Variants in SPTBN2 observed in about 807,000 individuals in gnomAD.
SPTBN2 encodes spectrin beta chain, non-erythrocytic 2.
In SPTBN2, 107 loss-of-function variants were observed where a neutral mutation model predicts 284.2. That is an observed-to-expected ratio of 0.38 (90% confidence interval 0.32 to 0.44). The LOEUF is 0.44. Ranked by LOEUF, SPTBN2 falls within the 20% of genes least tolerant of loss-of-function variation. The pLI, the probability that SPTBN2 is intolerant of heterozygous loss-of-function variation, is 1.00. For synonymous variants in SPTBN2, 1,289 were observed against 1,354.8 expected (o/e 0.95, Z 1.07); for missense variants, 2,569 against 3,287.1 (o/e 0.78, Z 5.34).
chr11:66,721,194 TG>T lies in SPTBN2; in HGVS notation c.46del (p.Gln16ArgfsTer52). Reference sequence around the variant, plus strand: ...GTTGTTGATGTCACTGTACTGGCCCTGGATTTCCAAGCTGTCAAAGTCTGTG... The same window carrying T: ...GTTGTTGATGTCACTGTACTGGCCCTGATTTCCAAGCTGTCAAAGTCTGTG... ...SPTDFDSLEIQGQYSDINNRW... is the reference protein window; with the variant it reads ...SPTDFDSLEIXGQYSDINNRW... On this transcript the variant is annotated frameshift_variant, in exon 3 of 38. Coordinates refer to ENST00000533211, the MANE Select transcript of SPTBN2 (RefSeq NM_006946.4). LOFTEE classifies it high-confidence loss of function. 1 of 1,614,126 alleles carries T rather than the reference TG, an allele frequency of 6.2e-7. No homozygotes were observed. The highest frequency in any genetic ancestry group is 2.2e-5 in the East Asian group (1 of 44,874).
intron 1 of SPTBN2, among the ~76,000 whole-genome samples, chr11:66,721,690 T>C (rs1198475660): frequency 6.6e-6 from 1 of 152,112 alleles, no homozygotes; most frequent in Non-Finnish European, 1.5e-5. Flanking sequence ...TTCTACAAAC[T>C]GTTTTGAGCC....
At position 66,687,412 on chromosome 11, in the gene SPTBN2, C is replaced by T. The variant is rs1940191925; in HGVS notation, c.6722+15G>A. On this transcript the variant is annotated intron_variant, in intron 35 of 37. Coordinates refer to ENST00000533211, the MANE Select transcript of SPTBN2 (RefSeq NM_006946.4). The surrounding 1 kb of genome is among the most constrained non-coding windows in gnomAD (Gnocchi z 5.2). ...GGGAAGTGCCCTCTGAGAGCAGGCTCCAGAGAGGCTGTACCTGTTGGCAGC... is the reference window on the plus strand; with the variant it reads ...GGGAAGTGCCCTCTGAGAGCAGGCTTCAGAGAGGCTGTACCTGTTGGCAGC... The T allele has an allele frequency of 6.2e-7, 1 of 1,603,458 alleles. No individual in the cohort carries two copies. Among genetic ancestry groups the T allele is most frequent in the Non-Finnish European group, 8.5e-7 (1 of 1,179,662 alleles).
chr11:66,690,324 C>G (rs779452658), intron 27 of SPTBN2, 41 bp from the exon 28 acceptor site: 38 of 1,543,572 alleles, frequency 2.5e-5, no homozygotes, highest in Non-Finnish European at 3.2e-5. Context: ...GCGGGGGACT[C>G]CAAGGAGCCG....
In SPTBN2 at chr11:66,685,835, C is replaced by T. The variant is rs772523320; in HGVS notation, c.*36G>A. On this transcript the variant is annotated 3_prime_UTR_variant, in exon 38 of 38. Coordinates refer to ENST00000533211, the MANE Select transcript of SPTBN2 (RefSeq NM_006946.4). This position sits in a 1 kb window ranked among gnomAD's most constrained non-coding sequence, Gnocchi z 4.4. ...CGACTGTCCCTGGCAGTTTCCTGAA[C>T]GGAGGGAGGGAGTTGGCCTGGGACC... 56 of 1,598,946 alleles carry T rather than the reference C, an allele frequency of 3.5e-5. 1 individual carries two copies. Among genetic ancestry groups the T allele is most frequent in the African/African-American group, 5.4e-5 (4 of 74,610 alleles).
Position 66,715,491 on chromosome 11 carries a change from C to T in SPTBN2, c.310-96G>A. Reference sequence around the variant, plus strand: ...CCAGCTTTGCACACCTTCCCCATGACCTACCTCAGGAACACAGACAGGCAC... The same window carrying T: ...CCAGCTTTGCACACCTTCCCCATGATCTACCTCAGGAACACAGACAGGCAC... On this transcript the variant is annotated intron_variant, in intron 4 of 37. Transcript: ENST00000533211. This position sits in a 1 kb window ranked among gnomAD's most constrained non-coding sequence, Gnocchi z 5.3. The T allele has an allele frequency of 6.8e-7, 1 of 1,475,704 alleles. No homozygotes were observed. Among genetic ancestry groups the T allele is most frequent in the Non-Finnish European group, 9.1e-7 (1 of 1,093,504 alleles). 91.4% of individuals were successfully genotyped at this position (1,475,704 alleles called of 1,614,324 possible). A position where few individuals can be genotyped will look rare whatever the true frequency, so the allele number is the denominator to read the frequency against.
At position 66,718,424 on chromosome 11, in the gene SPTBN2, G is replaced by A. The variant is rs769503129; in HGVS notation, c.158-2443C>T. Among the ~76,000 whole-genome samples the A allele has an allele frequency of 1.3e-5, 2 of 152,222 alleles. No homozygotes were observed. Among genetic ancestry groups the A allele is most frequent in the Non-Finnish European group, 2.9e-5 (2 of 68,030 alleles). ...TCGCCCAGGCACAGTCGTCCCCACA[G>A]GGGGCCCCCGGGCCTCACCTTGCAG... On this transcript the variant is annotated intron_variant, in intron 3 of 37. Coordinates refer to ENST00000533211, the MANE Select transcript of SPTBN2 (RefSeq NM_006946.4). The surrounding 1 kb of genome is among the most constrained non-coding windows in gnomAD (Gnocchi z 4.8).
In SPTBN2 at chr11:66,707,458, TGTGGGGCCCC is replaced by T; in HGVS notation, c.1653+48_1653+57del. The T allele has an allele frequency of 6.5e-7, 1 of 1,544,464 alleles. No homozygotes were observed. Among genetic ancestry groups the T allele is most frequent in the Non-Finnish European group, 8.7e-7 (1 of 1,144,400 alleles). ...CGAGCAGACGGGCGGACGCACCCAC[TGTGGGGCCCC>T]CTCGACTCTTGATCACTCTTACCCC... On this transcript the variant is annotated intron_variant, in intron 13 of 37. Transcript: ENST00000533211. The surrounding 1 kb of genome is among the most constrained non-coding windows in gnomAD (Gnocchi z 4.9).
In SPTBN2 at chr11:66,692,628, G is replaced by C. The variant is rs1185093392; in HGVS notation, c.5098C>G (p.Arg1700Gly). ...TGTTCCAGGTCATCCAGCTCGCGGC[G>C]GAGCTGGCACAGCCGGAGGTGCTCC... ...LQEHLRLCQL[R>G]RELDDLEQWI... is the part of the protein sequence containing the mutation. Residue 1700 changes from arginine (R) to glycine (G), a missense_variant, in exon 26 of 38, where the codon CGC (arginine) becomes GGC (glycine). Arg to Gly is a moderately radical substitution (Grantham distance 125). Transcript: ENST00000533211. 1 of 1,606,082 alleles carries C rather than the reference G, an allele frequency of 6.2e-7. No homozygotes were observed. The highest frequency in any genetic ancestry group is 1.3e-5 in the African/African-American group (1 of 74,920).
At chr11:66,712,097 C>T (rs1163867078) in intron 8 of SPTBN2, among the ~76,000 whole-genome samples, 2 of 152,200 alleles carry the variant, frequency 1.3e-5, no homozygotes, top group Non-Finnish European at 2.9e-5. Flanking sequence ...TGCCTGAACG[C>T]CAATCTCAGC....
In SPTBN2 at chr11:66,683,305, A is replaced by G. The variant is rs1227184140; in HGVS notation, c.*2566T>C. 1.3e-5 allele frequency among the ~76,000 whole-genome samples: 2 copies of G among 151,908 alleles called. No individual in the cohort carries two copies. Among genetic ancestry groups the G allele is most frequent in the African/African-American group, 4.8e-5 (2 of 41,350 alleles). On this transcript the variant is annotated 3_prime_UTR_variant, in exon 38 of 38. Transcript: ENST00000533211. Reference sequence around the variant, plus strand: ...ATGGTCTCGATCTCCTGACCTCGTGATCCGCCCGCCTCGGCCTCCCAAAGT... The same window carrying G: ...ATGGTCTCGATCTCCTGACCTCGTGGTCCGCCCGCCTCGGCCTCCCAAAGT...
rs532503521 is a variant in SPTBN2, at chr11:66,709,762, A to C, written c.1074-743T>G. ...AGAGCTGATATATATTAACTCCAAA[A>C]GAACTCCATGACAGCATAAACACAG... On this transcript the variant is annotated intron_variant, in intron 10 of 37. Coordinates refer to ENST00000533211, the MANE Select transcript of SPTBN2 (RefSeq NM_006946.4). Among the ~76,000 whole-genome samples the C allele has an allele frequency of 2.6e-5, 4 of 152,368 alleles. No individual in the cohort carries two copies. The South Asian group carries it at 6.2e-4, about 24-fold the overall frequency.
Position 66,691,756 on chromosome 11 carries a change from C to T in SPTBN2, c.5191-98G>A. 6.4e-7 allele frequency: 1 copy of T among 1,560,372 alleles called. No individual in the cohort carries two copies. The highest frequency in any genetic ancestry group is 2.3e-5 in the East Asian group (1 of 44,434). ...CCTCCACTCCAAACTCAGAACCCAC[C>T]TCTCCCCGCTGCATGGGGGCCGGGA... On this transcript the variant is annotated intron_variant, in intron 26 of 37. Transcript: ENST00000533211. This position sits in a 1 kb window ranked among gnomAD's most constrained non-coding sequence, Gnocchi z 8.0.
upstream of SPTBN2, among the ~76,000 whole-genome samples, chr11:66,729,854 T>A (rs908384476): frequency 6.6e-6 from 1 of 152,068 alleles, no homozygotes; most frequent in African/African-American, 2.4e-5. Context: ...CAGGCTGGAG[T>A]ACAGTGGCTT....
At position 66,708,816 on chromosome 11, in the gene SPTBN2, G is replaced by GACATGGCC. The variant is rs1941704184; in HGVS notation, c.1191+78_1191+85dup. On this transcript the variant is annotated intron_variant, in intron 11 of 37. Transcript: ENST00000533211. The surrounding 1 kb of genome is among the most constrained non-coding windows in gnomAD (Gnocchi z 4.4). The stretch of plus-strand genomic sequence containing the variant: ...CAGATAGTAGAACTTGGTGAAGGTC[G>GACATGGCC]ACATGGCCCCGGGTTTGGGGATGTG... 2 of 1,122,058 alleles carry GACATGGCC rather than the reference G, an allele frequency of 1.8e-6. No individual in the cohort carries two copies. The highest frequency in any genetic ancestry group is 2.7e-6 in the Non-Finnish European group (2 of 745,040). 69.5% of individuals were successfully genotyped at this position (1,122,058 alleles called of 1,614,324 possible). A position where few individuals can be genotyped will look rare whatever the true frequency, so the allele number is the denominator to read the frequency against.
At position 66,683,049 on chromosome 11, in the gene SPTBN2, T is replaced by C. The variant is rs7931581; in HGVS notation, c.*2822A>G. ...GATTATAAGCGTGAACCACCATGCC[T>C]GGCCAAGTAATCCATTTTTTTTTTT... On this transcript the variant is annotated 3_prime_UTR_variant, in exon 38 of 38. Coordinates refer to ENST00000533211, the MANE Select transcript of SPTBN2 (RefSeq NM_006946.4). 0.02 allele frequency among the ~76,000 whole-genome samples: 2,895 copies of C among 145,116 alleles called. 112 individuals are homozygous for C. The highest frequency in any genetic ancestry group is 0.069 in the African/African-American group (2,703 of 39,398).
Position 66,691,571 on chromosome 11 carries a change from C to A in SPTBN2, c.5278G>T (p.Gly1760Trp), listed in dbSNP as rs1940552546. The change falls in exon 27 of 38, where the codon GGG becomes TGG. Residue 1760 changes from glycine (G) to tryptophan (W), a missense_variant. This residue lies in a region of SPTBN2 where 1,130 missense variants were observed against 1,317.3 expected (regional missense o/e 0.86). Transcript: ENST00000533211. The surrounding 1 kb of genome is among the most constrained non-coding windows in gnomAD (Gnocchi z 8.0). ...GCAGCATGGCCCCCAGCAATGAGCC[C>A]ATTGGCCAGCGCATTGGCGCTATCT... The part of the protein sequence containing the change: ...RVDSANALAN[G>W]LIAGGHAARA... 2.5e-6 allele frequency: 4 copies of A among 1,613,620 alleles called. No individual in the cohort carries two copies. Among genetic ancestry groups the A allele is most frequent in the South Asian group, 1.1e-5 (1 of 91,090 alleles).
At position 66,724,030 on chromosome 11, in the gene SPTBN2, C is replaced by T. The variant is rs577477012; in HGVS notation, c.-113-2590G>A. On this transcript the variant is annotated intron_variant, in intron 1 of 37. Transcript: ENST00000533211. ...TGCCTACACCCAAGTTCCACCCTGC[C>T]CCCGCTTCGGTTTCCATGACCCCTT... 2.6e-5 allele frequency among the ~76,000 whole-genome samples: 4 copies of T among 152,298 alleles called. No individual in the cohort carries two copies. In the South Asian group the frequency reaches 8.3e-4, roughly 32 times the overall value.
chr11:66,687,269 C>T lies in SPTBN2; in HGVS notation c.6723-102G>A. Reference sequence around the variant, plus strand: ...TCCAGTTCTGCTCCCATCTTTAGGCCACGGTCTTCACACCCTCTGGTCCTC... The same window carrying T: ...TCCAGTTCTGCTCCCATCTTTAGGCTACGGTCTTCACACCCTCTGGTCCTC... On this transcript the variant is annotated intron_variant, in intron 35 of 37. Transcript: ENST00000533211. This position sits in a 1 kb window ranked among gnomAD's most constrained non-coding sequence, Gnocchi z 5.2. The T allele has an allele frequency of 2.6e-6, 4 of 1,567,338 alleles. No homozygotes were observed. The South Asian group carries it at 4.5e-5, about 18-fold the overall frequency.
chr11:66,721,309 C>T, intron 2 of SPTBN2, 41 bp downstream of exon 2: 2 of 1,597,666 alleles, frequency 1.3e-6, no homozygotes, highest in South Asian at 2.2e-5. Flanking sequence ...GACCACCAAG[C>T]CCTCCACTCA....
Sources: allele counts gnomAD v4.1 joint callset (sites outside exome capture counted in the v4.1 genomes callset), GRCh38; gene constraint gnomAD v4.1.1; regional missense constraint gnomAD v4.1.1; non-coding constraint Gnocchi (gnomAD v3.1); transcripts MANE v1.5; gene names NCBI Gene and HGNC (gene_info 2026-07-23, HGNC 2026-07-21).